SULF1: variants seen among roughly 807,000 people sequenced by gnomAD.
SULF1 encodes sulfatase 1.
SULF1 carries 46 observed loss-of-function variants against 110.5 expected under a neutral mutation model. That is an observed-to-expected ratio of 0.42 (90% confidence interval 0.33 to 0.53). The LOEUF (loss-of-function observed/expected upper bound fraction) is 0.53. Among genes scored for constraint, SULF1 ranks in the 20% least tolerant of loss-of-function variants. SULF1 has a pLI of 0.12. For missense variants in SULF1, 941 were observed against 1,094.2 expected (o/e 0.86, Z 1.98); for synonymous variants, 371 against 387.1 (o/e 0.96, Z 0.49).
At chr8:69,547,578 T>C (rs753577489) in intron 3 of SULF1, among the ~76,000 whole-genome samples, 3 of 152,172 alleles carry the variant, frequency 2.0e-5, no homozygotes, top group Non-Finnish European at 4.4e-5. Context: ...ACATGAGCGC[T>C]GCACACCACT....
chr8:69,608,216 A>C (rs12678106), intron 13 of SULF1, among the ~76,000 whole-genome samples: 1 of 152,142 alleles, frequency 6.6e-6, no homozygotes, highest in South Asian at 2.1e-4. Context: ...CAGGTTTTCT[A>C]TCTCTAAAAT....
At chr8:69,532,807 A>G (rs1394342128) in intron 3 of SULF1, among the ~76,000 whole-genome samples, 1 of 151,946 alleles carries the variant, frequency 6.6e-6, no homozygotes, top group Non-Finnish European at 1.5e-5. Flanking sequence ...TTGAACAGCA[A>G]CTCCGCCCTT....
chr8:69,622,206 C>A (rs754621271), intron 14 of SULF1, among the ~76,000 whole-genome samples: 2 of 152,202 alleles, frequency 1.3e-5, no homozygotes, highest in Non-Finnish European at 2.9e-5. Context: ...TACTAAGAAT[C>A]TTTGATTTGG....
intron 19 of SULF1, among the ~76,000 whole-genome samples, chr8:69,632,596 C>CAA (rs1810662750): frequency 6.6e-6 from 1 of 151,976 alleles, no homozygotes; most frequent in East Asian, 1.9e-4. Context: ...TCAAATCCAC[C>CAA]CAGGCACAAG....
At chr8:69,497,950 T>G (rs1448201531) in intron 2 of SULF1, among the ~76,000 whole-genome samples, 2 of 152,176 alleles carry the variant, frequency 1.3e-5, no homozygotes, top group African/African-American at 4.8e-5. Flanking sequence ...CCACACTTAC[T>G]TGAAGATGGT....
chr8:69,505,891 A>G (rs547697158), intron 3 of SULF1, among the ~76,000 whole-genome samples: 1 of 152,200 alleles, frequency 6.6e-6, no homozygotes, highest in South Asian at 2.1e-4. Context: ...CAGTCGCTTA[A>G]GAGTTTTTTT....
intron 15 of SULF1, among the ~76,000 whole-genome samples, chr8:69,624,819 C>T (rs893975784): frequency 2.0e-5 from 3 of 152,208 alleles, no homozygotes; most frequent in Admixed American, 1.3e-4. Context: ...AATGAACTCA[C>T]TTTGTTCTTT....
chr8:69,600,115 A>G (rs1370340362), intron 8 of SULF1, among the ~76,000 whole-genome samples: 1 of 152,248 alleles, frequency 6.6e-6, no homozygotes, highest in East Asian at 1.9e-4. Context: ...GTAATCAATA[A>G]AATACTCTTC....
intron 19 of SULF1, chr8:69,637,660 A>AG (rs1263010240): frequency 6.5e-6 from 1 of 153,622 alleles, no homozygotes; most frequent in Non-Finnish European, 1.4e-5. Context: ...TTCTAAAAAA[A>AG]TTTTGCTGGG....
chr8:69,654,273 AAG>A (rs1212293933), intron 22 of SULF1, among the ~76,000 whole-genome samples: 1 of 152,212 alleles, frequency 6.6e-6, no homozygotes, highest in Non-Finnish European at 1.5e-5. Flanking sequence ...CCACCTTCGG[AAG>A]AGACATTAGA....
chr8:69,490,511 T>C (rs1190736490), upstream of SULF1, among the ~76,000 whole-genome samples: 1 of 152,138 alleles, frequency 6.6e-6, no homozygotes. Flanking sequence ...GGAGATAATA[T>C]TTCTCCATTT....
At chr8:69,560,640 T>C (rs1019771194) in intron 3 of SULF1, among the ~76,000 whole-genome samples, 16 of 152,246 alleles carry the variant, frequency 1.1e-4, no homozygotes, top group African/African-American at 3.1e-4. Flanking sequence ...AGGACTCTTG[T>C]TGTCCCCCAC....
chr8:69,472,727 A>G (rs1188997871), intron 1 of SULF1, among the ~76,000 whole-genome samples: 1 of 152,198 alleles, frequency 6.6e-6, no homozygotes, highest in African/African-American at 2.4e-5. Context: ...GGCATTAACA[A>G]TCACATTTGA....
At chr8:69,634,803 A>C (rs1810850820) in intron 19 of SULF1, among the ~76,000 whole-genome samples, 1 of 151,798 alleles carries the variant, frequency 6.6e-6, no homozygotes, top group South Asian at 2.1e-4. Flanking sequence ...CATAATGTGT[A>C]AAAAAAAATT....
At chr8:69,581,138 G>A (rs563289814) in intron 6 of SULF1, among the ~76,000 whole-genome samples, 1 of 152,192 alleles carries the variant, frequency 6.6e-6, no homozygotes, top group African/African-American at 2.4e-5. Flanking sequence ...ATCTAGTTGA[G>A]GAAACCAGAC....
chr8:69,546,987 T>C (rs1310653035), intron 3 of SULF1, among the ~76,000 whole-genome samples: 1 of 152,220 alleles, frequency 6.6e-6, no homozygotes, highest in African/African-American at 2.4e-5. Flanking sequence ...CAGCTTTCCT[T>C]TGCTTGTCTG....
intron 8 of SULF1, among the ~76,000 whole-genome samples, chr8:69,595,420 C>G (rs1432056369): frequency 1.3e-5 from 2 of 152,196 alleles, no homozygotes; most frequent in Non-Finnish European, 2.9e-5. Flanking sequence ...TTATATACCT[C>G]TAATCAAGAT....
intron 14 of SULF1, 118 bp from the exon 15 acceptor site, chr8:69,623,824 G>A: frequency 8.2e-7 from 1 of 1,218,780 alleles, no homozygotes; most frequent in Non-Finnish European, 1.1e-6. Flanking sequence ...ATGCCACTCA[G>A]CAATGCAGCA....
At chr8:69,568,778 T>C (rs1804999249) in intron 5 of SULF1, among the ~76,000 whole-genome samples, 1 of 152,148 alleles carries the variant, frequency 6.6e-6, no homozygotes, top group African/African-American at 2.4e-5. Flanking sequence ...CGCAAGGAAG[T>C]GATCAACATA....
Sources: allele counts gnomAD v4.1 joint callset (sites outside exome capture counted in the v4.1 genomes callset), GRCh38; gene constraint gnomAD v4.1.1; transcripts MANE v1.5; gene names NCBI Gene and HGNC (gene_info 2026-07-23, HGNC 2026-07-21).